Variants in ZNF670 observed in about 807,000 individuals in gnomAD.
ZNF670 encodes zinc finger protein 670.
Under a neutral mutation model 10.9 loss-of-function variants are expected in ZNF670, and 7 were observed. That is an observed-to-expected ratio of 0.64 (90% CI 0.36 to 1.20). The LOEUF (loss-of-function observed/expected upper bound fraction) is 1.20. Among genes scored for constraint, ZNF670 ranks in the 50% most tolerant of loss-of-function variants. The probability of loss-of-function intolerance (pLI) is 0.02; values close to 1 mark genes in which losing one functional copy is unlikely to be tolerated. For missense variants in ZNF670, 446 were observed against 458.6 expected, an observed-to-expected ratio of 0.97 and a Z score of 0.25; for synonymous variants, 136 against 152.7, an observed-to-expected ratio of 0.89 and a Z score of 0.81.
At chr1:247,060,288 G>A (rs1670827163) in intron 1 of ZNF670, among the ~76,000 whole-genome samples, 2 of 152,112 alleles carry the variant, frequency 1.3e-5, no homozygotes, top group Admixed American at 1.3e-4. Context: ...ATAAACAAAA[G>A]AGGGCAGAAA....
intron 1 of ZNF670, among the ~76,000 whole-genome samples, chr1:247,048,513 C>T (rs1323284658): frequency 1.3e-5 from 2 of 152,212 alleles, no homozygotes; most frequent in South Asian, 2.1e-4. Flanking sequence ...CTGTTCCAAC[C>T]TCTGCCTGTT....
intron 1 of ZNF670, among the ~76,000 whole-genome samples, chr1:247,045,127 A>G (rs1231653983): frequency 4.6e-5 from 7 of 152,230 alleles, no homozygotes; most frequent in Non-Finnish European, 8.8e-5. Context: ...TGAGAAAACC[A>G]TAAGAATCCT....
chr1:247,036,652 T>C lies in ZNF670; in HGVS notation c.*797A>G, dbSNP rs897565254. 6 of 152,102 alleles carry C rather than the reference T, an allele frequency of 3.9e-5. No homozygotes were observed. The highest frequency in any genetic ancestry group is 8.8e-5 in the Non-Finnish European group (6 of 68,024). 9.4% of individuals were successfully genotyped at this position (152,102 alleles called of 1,614,324 possible). On this transcript the variant is annotated 3_prime_UTR_variant, in exon 4 of 4. Coordinates refer to ENST00000366503, the MANE Select transcript of ZNF670 (RefSeq NM_033213.5). ...CTACACTTCAGCCTAGCTGACAAAG[T>C]GAGACCCTCTCTAAAAACATAACAT...
chr1:247,078,510 A>T, intron 1 of ZNF670, 84 bp downstream of exon 1: 1 of 1,570,730 alleles, frequency 6.4e-7, no homozygotes, highest in South Asian at 1.1e-5. Context: ...TCGGGTCGGC[A>T]CCGCGGGGAG....
intron 1 of ZNF670, among the ~76,000 whole-genome samples, chr1:247,063,774 C>A (rs1282000639): frequency 6.6e-6 from 1 of 152,170 alleles, no homozygotes; most frequent in Non-Finnish European, 1.5e-5. Flanking sequence ...CCCCTCCACA[C>A]AAACCCTGCA....
chr1:247,044,577 T>C (rs1670394935), intron 1 of ZNF670, among the ~76,000 whole-genome samples: 1 of 152,216 alleles, frequency 6.6e-6, no homozygotes, highest in Non-Finnish European at 1.5e-5. Context: ...AATAGTGGAC[T>C]GGATTTTTTA....
Position 247,038,382 on chromosome 1 carries a change from T to TTGAC in ZNF670, c.233_236dup (p.Tyr80SerfsTer16). 1 of 1,613,462 alleles carries TTGAC rather than the reference T, an allele frequency of 6.2e-7. No individual in the cohort carries two copies. Among genetic ancestry groups the TTGAC allele is most frequent in the Non-Finnish European group, 8.5e-7 (1 of 1,179,840 alleles). ...AATCCTGGCTGAAGGTTTCTCCATA[T>TTGAC]TGACTGCCTTCTTTAATTTCAAACA... On this transcript the variant is annotated frameshift_variant, in exon 4 of 4. Coordinates refer to ENST00000366503, the MANE Select transcript of ZNF670 (RefSeq NM_033213.5). LOFTEE classifies it low-confidence loss of function (END_TRUNC).
Position 247,059,414 on chromosome 1 carries a change from C to T in ZNF670, c.3+19180G>A, listed in dbSNP as rs538409789. The stretch of plus-strand genomic sequence containing the variant: ...TGAGCTGAGATCGCGCCACTGCACT[C>T]CAGCCTGGGAGACAGGGCGAGACTC... On this transcript the variant is annotated intron_variant, in intron 1 of 3. Coordinates refer to ENST00000366503, the MANE Select transcript of ZNF670 (RefSeq NM_033213.5). Among the ~76,000 whole-genome samples, 4 of 151,952 alleles carry T rather than the reference C, an allele frequency of 2.6e-5. No homozygotes were observed. In the East Asian group the frequency reaches 7.7e-4, roughly 29 times the overall value.
chr1:247,068,482 T>A (rs910773159), intron 1 of ZNF670, among the ~76,000 whole-genome samples: 4 of 150,594 alleles, frequency 2.7e-5, no homozygotes, highest in Admixed American at 6.6e-5. Flanking sequence ...CCAGTTAAAA[T>A]GGCTTAAATC....
chr1:247,075,665 C>T (rs961848352), intron 1 of ZNF670, among the ~76,000 whole-genome samples: 9 of 152,306 alleles, frequency 5.9e-5, no homozygotes, highest in African/African-American at 1.4e-4. Flanking sequence ...TGCAGCCATC[C>T]GCGTAAGACG....
chr1:247,077,262 T>C (rs533698582), intron 1 of ZNF670, among the ~76,000 whole-genome samples: 1 of 152,326 alleles, frequency 6.6e-6, no homozygotes, highest in East Asian at 1.9e-4. Flanking sequence ...GGCACCCAGA[T>C]GCTGCCTGGA....
rs538634338 is a variant in ZNF670, at chr1:247,035,787, C to T, written c.*1662G>A. Among the ~76,000 whole-genome samples the T allele has an allele frequency of 5.9e-5, 9 of 152,228 alleles. No homozygotes were observed. The highest frequency in any genetic ancestry group is 3.9e-4 in the Admixed American group (6 of 15,286). On this transcript the variant is annotated 3_prime_UTR_variant, in exon 4 of 4. Transcript: ENST00000366503. ...CCCAACAATACACTGGAAAATTGAA[C>T]GTTATCAATATGGGTTGAGTGTTTC...
At chr1:247,064,864 G>C (rs1379291521) in intron 1 of ZNF670, among the ~76,000 whole-genome samples, 2 of 151,994 alleles carry the variant, frequency 1.3e-5, no homozygotes, top group Non-Finnish European at 2.9e-5. Context: ...GAGTGCAGTA[G>C]CACAATCTGG....
rs1458585449 is a variant in ZNF670 at position 247,035,858 on chromosome 1, T to C, written c.*1591A>G. Among the ~76,000 whole-genome samples, 1 of 152,222 alleles carries C rather than the reference T, an allele frequency of 6.6e-6. No homozygotes were observed. Among genetic ancestry groups the C allele is most frequent in the South Asian group, 2.1e-4 (1 of 4,832 alleles). ...CGGAAGTGCTTTGGATTTCAGACTT[T>C]TAACATTTTGGAATATTTGCAGAAA... is the stretch of plus-strand genomic sequence containing the variant. On this transcript the variant is annotated 3_prime_UTR_variant, in exon 4 of 4. Transcript: ENST00000366503.
chr1:247,077,805 T>C (rs1251697089), intron 1 of ZNF670, among the ~76,000 whole-genome samples: 5 of 152,140 alleles, frequency 3.3e-5, no homozygotes, highest in African/African-American at 1.2e-4. Flanking sequence ...TGTGGAGTGT[T>C]ATGTGAAAAT....
intron 2 of ZNF670, 102 bp downstream of exon 2, chr1:247,039,309 C>T (rs1670249518): frequency 7.2e-7 from 1 of 1,381,926 alleles, no homozygotes; most frequent in South Asian, 1.3e-5. Context: ...GATTCACCCG[C>T]CTTGGCCTCC....
intron 1 of ZNF670, among the ~76,000 whole-genome samples, chr1:247,041,181 G>A (rs894772430): frequency 6.6e-6 from 1 of 152,012 alleles, no homozygotes; most frequent in African/African-American, 2.4e-5. Context: ...ACTAAAATAC[G>A]TTCAGACTTC....
At chr1:247,078,386 G>C (rs1671304544) in intron 1 of ZNF670, among the ~76,000 whole-genome samples, 2 of 152,218 alleles carry the variant, frequency 1.3e-5, no homozygotes, top group African/African-American at 2.4e-5. Context: ...GCCCAGAAAG[G>C]GTTCCGGGCC....
intron 1 of ZNF670, among the ~76,000 whole-genome samples, chr1:247,058,139 A>T (rs561254807): frequency 2.0e-5 from 3 of 152,354 alleles, no homozygotes; most frequent in African/African-American, 7.2e-5. Context: ...CACAAAAATT[A>T]AAAACTAAAA....
Sources: allele counts gnomAD v4.1 joint callset (sites outside exome capture counted in the v4.1 genomes callset), GRCh38; gene constraint gnomAD v4.1.1; transcripts MANE v1.5; gene names NCBI Gene and HGNC (gene_info 2026-07-23, HGNC 2026-07-21).